The following DTL variants were observed in gnomAD, a reference collection of about 807,000 sequenced individuals.
DTL encodes denticleless protein homolog.
Under a neutral mutation model 87.0 loss-of-function variants are expected in DTL, and 46 were observed. That is an observed-to-expected ratio of 0.53 (90% CI 0.42 to 0.68). DTL has a LOEUF of 0.68. Ranked by LOEUF, DTL falls within the 30% of genes least tolerant of loss-of-function variation. The pLI, the probability that DTL is intolerant of heterozygous loss-of-function variation, is 0.00. For missense variants in DTL, 737 were observed against 869.4 expected, an observed-to-expected ratio of 0.85 and a Z score of 1.91; for synonymous variants, 308 against 311.2, an observed-to-expected ratio of 0.99 and a Z score of 0.11.
chr1:212,098,031 G>A (rs1452422586), intron 13 of DTL, among the ~76,000 whole-genome samples: 1 of 152,164 alleles, frequency 6.6e-6, no homozygotes, highest in Non-Finnish European at 1.5e-5. Flanking sequence ...TGGGTTCTAG[G>A]CTGGTACTGG....
chr1:212,060,919 A>G (rs933123228), intron 5 of DTL, among the ~76,000 whole-genome samples: 1 of 151,996 alleles, frequency 6.6e-6, no homozygotes, highest in African/African-American at 2.4e-5. Flanking sequence ...AGACTATACT[A>G]AACTAAAAAG....
chr1:212,074,866 C>T (rs1654782758), intron 11 of DTL, among the ~76,000 whole-genome samples: 1 of 152,178 alleles, frequency 6.6e-6, no homozygotes, highest in African/African-American at 2.4e-5. Flanking sequence ...TTAATCCTCA[C>T]TACTGCCCAG....
At chr1:212,092,820 T>G (rs1655325195) in intron 13 of DTL, among the ~76,000 whole-genome samples, 1 of 152,206 alleles carries the variant, frequency 6.6e-6, no homozygotes, top group African/African-American at 2.4e-5. Flanking sequence ...AGATCTACTT[T>G]TAGTTCTTTA....
At chr1:212,059,296 G>A (rs548571257) in intron 5 of DTL, among the ~76,000 whole-genome samples, 10 of 149,400 alleles carry the variant, frequency 6.7e-5, no homozygotes, top group South Asian at 2.1e-4. Flanking sequence ...GAATTCAACA[G>A]CACATTAAAA....
chr1:212,047,038 A>G, intron 3 of DTL, 113 bp from the exon 4 acceptor site: 1 of 880,958 alleles, frequency 1.1e-6, no homozygotes, highest in Non-Finnish European at 1.8e-6. Flanking sequence ...TTCTCTAATG[A>G]TCAACTACTG....
chr1:212,072,823 G>A (rs1048095680), intron 11 of DTL, among the ~76,000 whole-genome samples: 1 of 150,186 alleles, frequency 6.7e-6, no homozygotes, highest in East Asian at 2.0e-4. Context: ...GAGTGCAGTG[G>A]CACGATCTTG....
At chr1:212,093,949 C>T (rs148755501) in intron 13 of DTL, among the ~76,000 whole-genome samples, 15 of 152,268 alleles carry the variant, frequency 9.9e-5, no homozygotes, top group African/African-American at 3.4e-4. Context: ...CTCTTCCCTT[C>T]CCAGCACTCC....
intron 13 of DTL, among the ~76,000 whole-genome samples, chr1:212,098,832 G>A (rs1052693393): frequency 1.7e-4 from 26 of 152,032 alleles, no homozygotes; most frequent in African/African-American, 5.1e-4. Flanking sequence ...ACTCCCCGCC[G>A]AGAAAGCAAG....
intron 12 of DTL, 168 bp from the exon 13 acceptor site, chr1:212,080,447 C>A: frequency 1.7e-6 from 1 of 600,990 alleles, no homozygotes; most frequent in Non-Finnish European, 2.7e-6. Flanking sequence ...GGAATGATTC[C>A]TGAAAGCAAG....
chr1:212,038,102 C>A (rs529719372), intron 1 of DTL, among the ~76,000 whole-genome samples: 7 of 152,244 alleles, frequency 4.6e-5, no homozygotes, highest in Non-Finnish European at 8.8e-5. Context: ...CTACTGGGAC[C>A]ATGTAGACAC....
rs1654958894 is a variant in DTL at position 212,080,520 on chromosome 1, T to C, written c.1126-95T>C. On this transcript the variant is annotated intron_variant, in intron 12 of 14. Coordinates refer to ENST00000366991, the MANE Select transcript of DTL (RefSeq NM_016448.4). ...TATCCTGTTTATTAGACAAAATAAT[T>C]ATCCAGTCACAAGGCCTTAAGACAC... 3.6e-6 allele frequency: 4 copies of C among 1,102,558 alleles called. No individual in the cohort carries two copies. In the African/African-American group the frequency reaches 4.7e-5, roughly 13 times the overall value. 68.3% of individuals were successfully genotyped at this position (1,102,558 alleles called of 1,614,324 possible).
chr1:212,064,276 G>A (rs1433986217), intron 6 of DTL, among the ~76,000 whole-genome samples: 1 of 152,090 alleles, frequency 6.6e-6, no homozygotes, highest in African/African-American at 2.4e-5. Flanking sequence ...TTCCCATATA[G>A]CCCCTGCCCT....
intron 13 of DTL, among the ~76,000 whole-genome samples, chr1:212,084,469 A>T (rs1214837780): frequency 3.3e-5 from 5 of 152,008 alleles, no homozygotes; most frequent in Non-Finnish European, 7.4e-5. Context: ...TACAGGCGTG[A>T]GCCACCGTGC....
intron 13 of DTL, among the ~76,000 whole-genome samples, chr1:212,098,788 T>C (rs1655523634): frequency 2.0e-5 from 3 of 152,076 alleles, no homozygotes; most frequent in Admixed American, 2.0e-4. Flanking sequence ...ATGCCTCCAG[T>C]GCACAGGGTG....
chr1:212,093,595 C>T (rs1284319522), intron 13 of DTL, among the ~76,000 whole-genome samples: 2 of 152,250 alleles, frequency 1.3e-5, no homozygotes, highest in African/African-American at 2.4e-5. Context: ...CATCATTCCA[C>T]CGGTTGATGC....
intron 14 of DTL, 59 bp from the exon 15 acceptor site, chr1:212,102,783 T>C: frequency 8.1e-7 from 1 of 1,235,006 alleles, no homozygotes; most frequent in South Asian, 1.3e-5. Context: ...GCCTTAGTAA[T>C]AACTTAGTAA....
At position 212,068,673 on chromosome 1, in the gene DTL, T is replaced by C. The variant is rs780305649; in HGVS notation, c.892T>C (p.Phe298Leu). The change falls in exon 10 of 15, where the codon TTT becomes CTT. Residue 298 changes from phenylalanine (F) to leucine (L), a missense_variant. Transcript: ENST00000366991. Reference sequence around the variant, plus strand: ...TTGCACAGACGATAACATCTACATGTTTAATATGACTGGGTTGAAGACTTC... The same window carrying C: ...TTGCACAGACGATAACATCTACATGCTTAATATGACTGGGTTGAAGACTTC... ...ANCTDDNIYM[F>L]NMTGLKTSPV... The C allele has an allele frequency of 2.5e-6, 4 of 1,612,022 alleles. No homozygotes were observed. In the Admixed American group the frequency reaches 5.0e-5, roughly 20 times the overall value.
chr1:212,091,137 C>G (rs930527198), intron 13 of DTL, among the ~76,000 whole-genome samples: 2 of 152,096 alleles, frequency 1.3e-5, no homozygotes, highest in African/African-American at 4.8e-5. Flanking sequence ...TTAAAATGGA[C>G]AAAGGGCCTG....
At chr1:212,049,767 C>A (rs1268803914) in intron 5 of DTL, among the ~76,000 whole-genome samples, 1 of 152,108 alleles carries the variant, frequency 6.6e-6, no homozygotes, top group African/African-American at 2.4e-5. Flanking sequence ...GCCTCCTGGG[C>A]AAAGTGATTT....
Sources: allele counts gnomAD v4.1 joint callset (sites outside exome capture counted in the v4.1 genomes callset), GRCh38; gene constraint gnomAD v4.1.1; transcripts MANE v1.5; gene names NCBI Gene and HGNC (gene_info 2026-07-23, HGNC 2026-07-21).